Variants in RFX4 observed in about 807,000 individuals in gnomAD.
The protein encoded by RFX4 is transcription factor RFX4.
In RFX4, 10 loss-of-function variants were observed where a neutral mutation model predicts 95.0. The observed-to-expected ratio is 0.11, with a 90% CI of 0.06 to 0.18. The LOEUF (loss-of-function observed/expected upper bound fraction) is 0.18, where lower values mean the gene tolerates loss of function less well. Among genes scored for constraint, RFX4 ranks in the 10% least tolerant of loss-of-function variants. The pLI, the probability that RFX4 is intolerant of heterozygous loss-of-function variation, is 1.00. For missense variants in RFX4, 640 were observed against 922.0 expected, an observed-to-expected ratio of 0.69 and a Z score of 3.96; for synonymous variants, 321 against 340.7, an observed-to-expected ratio of 0.94 and a Z score of 0.64.
At chr12:106,724,913 G>A (rs1330928339) in intron 13 of RFX4, among the ~76,000 whole-genome samples, 5 of 151,868 alleles carry the variant, frequency 3.3e-5, no homozygotes. Context: ...TCGGGAGGCT[G>A]AGGCAGGAGA....
intron 3 of RFX4, among the ~76,000 whole-genome samples, chr12:106,639,978 A>G (rs1421998768): frequency 1.3e-5 from 2 of 152,210 alleles, no homozygotes; most frequent in Non-Finnish European, 2.9e-5. Context: ...GATTCACCCT[A>G]TGAAGAATCT....
chr12:106,587,187 C>T (rs1265848276), intron 1 of RFX4, among the ~76,000 whole-genome samples: 1 of 152,346 alleles, frequency 6.6e-6, no homozygotes, highest in Non-Finnish European at 1.5e-5. Flanking sequence ...GTGCGGCAGC[C>T]TGGGACAGCG....
chr12:106,670,062 T>C (rs560157699), intron 4 of RFX4, among the ~76,000 whole-genome samples: 2 of 152,266 alleles, frequency 1.3e-5, no homozygotes, highest in African/African-American at 4.8e-5. Flanking sequence ...ATAATGACTG[T>C]AAAAGGGCTA....
At chr12:106,615,209 G>T (rs1047987101) in intron 2 of RFX4, among the ~76,000 whole-genome samples, 3 of 152,016 alleles carry the variant, frequency 2.0e-5, no homozygotes, top group African/African-American at 4.8e-5. Flanking sequence ...ATTTTCAACT[G>T]ATAGAGCACG....
In RFX4 at chr12:106,732,940, G is replaced by A. The variant is rs763456525; in HGVS notation, c.1488G>A (p.Glu496=). The A allele has an allele frequency of 1.4e-5, 23 of 1,613,954 alleles. 1 individual carries two copies. The East Asian group carries it at 4.9e-4, about 34-fold the overall frequency. The change falls in exon 15 of 18, where the codon GAG becomes GAA. Residue 496 remains glutamate (E), a synonymous_variant. Coordinates refer to ENST00000392842, the MANE Select transcript of RFX4 (RefSeq NM_213594.3). ...TATCCACAGCAGAAGTCCGAGAAGA[G>A]ATCATCTTGACAGAGGCTGCCGCAC... The part of the protein sequence containing the change: ...GEGSTAEVRE[E]IILTEAAAPT...
intron 5 of RFX4, chr12:106,682,966 T>G (rs2137402648): frequency 1.3e-5 from 2 of 152,310 alleles, no homozygotes; most frequent in Admixed American, 1.3e-4. Flanking sequence ...GTTTAAACAG[T>G]TTCCTTTACT....
intron 13 of RFX4, among the ~76,000 whole-genome samples, chr12:106,727,745 G>C (rs1487306237): frequency 6.6e-6 from 1 of 151,694 alleles, no homozygotes; most frequent in Non-Finnish European, 1.5e-5. Context: ...TCAGCCTCCC[G>C]AGTAGCTGGG....
intron 8 of RFX4, among the ~76,000 whole-genome samples, chr12:106,697,445 C>CT (rs35656382): frequency 0.055 from 7,940 of 145,246 alleles, 656 homozygotes; most frequent in African/African-American, 0.18. Context: ...TTTCATTTAC[C>CT]TTTTTTTTTT....
intron 1 of RFX4, among the ~76,000 whole-genome samples, chr12:106,590,716 A>G (rs2039527160): frequency 6.6e-6 from 1 of 152,224 alleles, no homozygotes; most frequent in Non-Finnish European, 1.5e-5. Context: ...GAGGTGAGGC[A>G]GGAGGATCAC....
At chr12:106,694,891 G>T (rs1042463256) in intron 7 of RFX4, among the ~76,000 whole-genome samples, 2 of 151,888 alleles carry the variant, frequency 1.3e-5, no homozygotes, top group Non-Finnish European at 2.9e-5. Context: ...ACAAATATTC[G>T]CCAGGTGTGG....
chr12:106,756,854 C>T (rs982656843), intron 17 of RFX4, among the ~76,000 whole-genome samples: 1 of 152,154 alleles, frequency 6.6e-6, no homozygotes, highest in African/African-American at 2.4e-5. Context: ...AGATCTGTCT[C>T]CCTCACTGTA....
At chr12:106,687,178 TCTCTCACACA>T (rs1168694836) in intron 6 of RFX4, 81 bp downstream of exon 6, 8 of 742,336 alleles carry the variant, frequency 1.1e-5, no homozygotes, top group African/African-American at 1.0e-4. Context: ...TCTCTCTCTC[TCTCTCACACA>T]CACACACACA....
intron 17 of RFX4, among the ~76,000 whole-genome samples, 199 bp from the exon 18 acceptor site, chr12:106,760,998 C>A (rs2043199312): frequency 6.6e-6 from 1 of 152,270 alleles, no homozygotes; most frequent in South Asian, 2.1e-4. Flanking sequence ...CCAACTCAGG[C>A]TATGAAATCT....
intron 1 of RFX4, among the ~76,000 whole-genome samples, chr12:106,591,519 G>T (rs2039545409): frequency 1.3e-5 from 2 of 152,078 alleles, no homozygotes; most frequent in African/African-American, 4.8e-5. Context: ...ACCCACCTCG[G>T]CCTCCCAAAG....
chr12:106,734,229 AG>A lies in RFX4; in HGVS notation c.1633+1145del, dbSNP rs113633166. Among the ~76,000 whole-genome samples, 1,264 of 152,254 alleles carry A rather than the reference AG, an allele frequency of 8.3e-3. 24 individuals are homozygous for A. Among genetic ancestry groups the A allele is most frequent in the African/African-American group, 0.029 (1,207 of 41,536 alleles). ...GAGGTTCAGTATAGGATGATGAAAA[AG>A]CTCTGGAGATGGATGGCGGTGATGG... On this transcript the variant is annotated intron_variant, in intron 15 of 17. Transcript: ENST00000392842.
chr12:106,658,848 C>T (rs980673702), intron 4 of RFX4, among the ~76,000 whole-genome samples: 1 of 152,186 alleles, frequency 6.6e-6, no homozygotes, highest in African/African-American at 2.4e-5. Flanking sequence ...CCTCGGGTAA[C>T]TGAGGAGTCC....
rs188338281 is a variant in RFX4, at chr12:106,650,678, A to T, written c.192-3550A>T. Among the ~76,000 whole-genome samples, 259 of 152,162 alleles carry T rather than the reference A, an allele frequency of 1.7e-3. 1 individual carries two copies. The highest frequency in any genetic ancestry group is 5.9e-3 in the African/African-American group (244 of 41,522). On this transcript the variant is annotated intron_variant, in intron 3 of 17. Transcript: ENST00000392842. Reference sequence around the variant, plus strand: ...GGGAGGCGGAGGTTGCGGTGAGCCGAGATGTCGCCATTTCACTCCAGCCTG... The same window carrying T: ...GGGAGGCGGAGGTTGCGGTGAGCCGTGATGTCGCCATTTCACTCCAGCCTG...
intron 8 of RFX4, among the ~76,000 whole-genome samples, chr12:106,703,699 A>C (rs1261897447): frequency 6.6e-6 from 1 of 152,230 alleles, no homozygotes; most frequent in Non-Finnish European, 1.5e-5. Flanking sequence ...TGTGGGGTAC[A>C]AATGAAATGT....
rs192837314 is a variant in RFX4, at chr12:106,649,289, C to G, written c.192-4939C>G. Among the ~76,000 whole-genome samples the G allele has an allele frequency of 8.1e-3, 1,226 of 152,286 alleles. 3 individuals carry two copies. The highest frequency in any genetic ancestry group is 0.012 in the Admixed American group (188 of 15,298). On this transcript the variant is annotated intron_variant, in intron 3 of 17. Coordinates refer to ENST00000392842, the MANE Select transcript of RFX4 (RefSeq NM_213594.3). ...AGCAACTTTAGTAGATAGGCAGAAC[C>G]TCTGGTTTTGGGCAAAGGTGTCATG...
Sources: gnomAD v4.1 joint callset for allele counts (sites outside exome capture counted in the v4.1 genomes callset) on GRCh38, gnomAD v4.1.1 for gene constraint, MANE v1.5 for transcripts, NCBI Gene and HGNC (gene_info 2026-07-23, HGNC 2026-07-21) for gene names.